CYP39A1: variants seen among roughly 807,000 people sequenced by gnomAD.
The protein encoded by CYP39A1 is 24-hydroxycholesterol 7-alpha-hydroxylase.
CYP39A1 carries 49 observed loss-of-function variants against 58.1 expected under a neutral mutation model. The ratio of observed to expected loss-of-function variants is 0.84; its 90% CI spans 0.67 to 1.07. The LOEUF (loss-of-function observed/expected upper bound fraction) is 1.07. CYP39A1 is among the 50% of genes least tolerant of loss of function. CYP39A1 has a pLI of 0.00. For missense variants in CYP39A1, 531 were observed against 539.4 expected (o/e 0.98, Z 0.16); for synonymous variants, 209 against 187.6 (o/e 1.11, Z -0.93).
chr6:46,575,998 G>A (rs1771825163), intron 10 of CYP39A1, among the ~76,000 whole-genome samples: 1 of 152,198 alleles, frequency 6.6e-6, no homozygotes, highest in Non-Finnish European at 1.5e-5. Flanking sequence ...TGGCTGTTCA[G>A]GAAACATAGT....
At chr6:46,559,253 A>T (rs368966996) in intron 10 of CYP39A1, among the ~76,000 whole-genome samples, 48 of 152,190 alleles carry the variant, frequency 3.2e-4, no homozygotes, top group African/African-American at 1.1e-3. Context: ...TGACCTAGGG[A>T]GGAAGGGTGG....
At chr6:46,598,766 TAAAG>T (rs1389454635) in intron 7 of CYP39A1, among the ~76,000 whole-genome samples, 1 of 152,080 alleles carries the variant, frequency 6.6e-6, no homozygotes, top group South Asian at 2.1e-4. Flanking sequence ...GATGAAAAAT[TAAAG>T]AAAGAATAAG....
At chr6:46,593,226 T>C (rs1461288530) in intron 8 of CYP39A1, among the ~76,000 whole-genome samples, 1 of 152,116 alleles carries the variant, frequency 6.6e-6, no homozygotes, top group Non-Finnish European at 1.5e-5. Context: ...AGATGGGGTA[T>C]TGTGCATGCA....
chr6:46,600,691 G>A (rs367756965), intron 7 of CYP39A1, among the ~76,000 whole-genome samples: 33 of 152,210 alleles, frequency 2.2e-4, no homozygotes, highest in South Asian at 8.3e-4. Context: ...TGCATGTGCC[G>A]GAGGGTAACA....
Position 46,637,863 on chromosome 6 carries a change from C to A in CYP39A1, c.604G>T (p.Glu202Ter). ...CACTCTGGCAACTGGGACCCATACT[C>A]AAAATCTTCATCATAAACTTGAAAA... ...QYFQVYDEDFEYGSQLPECLL... is the reference protein window; with the variant it reads ...QYFQVYDEDF Residue 202 changes from glutamate to a stop codon, truncating the protein, a stop_gained, in exon 4 of 12, where the codon GAG (glutamate) becomes TAG (stop). Coordinates refer to ENST00000275016, the MANE Select transcript of CYP39A1 (RefSeq NM_016593.5). LOFTEE classifies it high-confidence loss of function. 6.2e-7 allele frequency: 1 copy of A among 1,612,328 alleles called. No homozygotes were observed. The highest frequency in any genetic ancestry group is 1.1e-5 in the South Asian group (1 of 90,494).
At chr6:46,626,007 C>T (rs1039861768) in intron 6 of CYP39A1, among the ~76,000 whole-genome samples, 10 of 151,940 alleles carry the variant, frequency 6.6e-5, no homozygotes, top group Non-Finnish European at 1.2e-4. Context: ...GAAACCATCC[C>T]GTAAACTAAA....
At chr6:46,581,056 T>C (rs188735494) in intron 10 of CYP39A1, among the ~76,000 whole-genome samples, 1 of 152,300 alleles carries the variant, frequency 6.6e-6, no homozygotes, top group Non-Finnish European at 1.5e-5. Flanking sequence ...TGCAACACTA[T>C]TCACAATAGC....
intron 5 of CYP39A1, among the ~76,000 whole-genome samples, chr6:46,632,562 G>A (rs1253279362): frequency 6.6e-6 from 1 of 151,586 alleles, no homozygotes; most frequent in Non-Finnish European, 1.5e-5. Context: ...CATCACCCAG[G>A]TACTAAGCCT....
At chr6:46,582,388 A>G (rs932947023) in intron 10 of CYP39A1, among the ~76,000 whole-genome samples, 3 of 152,220 alleles carry the variant, frequency 2.0e-5, no homozygotes, top group African/African-American at 7.2e-5. Flanking sequence ...CATTATCTTT[A>G]ACATAAATAT....
chr6:46,600,972 G>A (rs2150531545), intron 7 of CYP39A1, among the ~76,000 whole-genome samples: 1 of 152,266 alleles, frequency 6.6e-6, no homozygotes, highest in Middle Eastern at 3.4e-3. Context: ...GGCATCTGAA[G>A]TTGGGGAGAG....
chr6:46,571,157 T>C (rs1032043393), intron 10 of CYP39A1, among the ~76,000 whole-genome samples: 1 of 152,160 alleles, frequency 6.6e-6, no homozygotes, highest in Non-Finnish European at 1.5e-5. Flanking sequence ...AAGACTGTCA[T>C]AGCACTAGAC....
At chr6:46,560,464 G>A (rs1022644062) in intron 10 of CYP39A1, among the ~76,000 whole-genome samples, 7 of 152,120 alleles carry the variant, frequency 4.6e-5, no homozygotes, top group Non-Finnish European at 5.9e-5. Flanking sequence ...CAAAGTTTTC[G>A]ACTTGAGGAA....
chr6:46,628,866 G>C (rs1292750261), intron 6 of CYP39A1, among the ~76,000 whole-genome samples: 1 of 152,168 alleles, frequency 6.6e-6, no homozygotes, highest in Non-Finnish European at 1.5e-5. Context: ...TGAAACTAGG[G>C]AGATAATTTT....
intron 5 of CYP39A1, among the ~76,000 whole-genome samples, chr6:46,635,683 T>TA (rs1392712742): frequency 6.6e-6 from 1 of 152,142 alleles, no homozygotes; most frequent in Non-Finnish European, 1.5e-5. Flanking sequence ...GCCTCCTGAG[T>TA]AGCCGGTACC....
intron 7 of CYP39A1, among the ~76,000 whole-genome samples, chr6:46,605,934 T>C (rs1773817070): frequency 6.6e-6 from 1 of 152,184 alleles, no homozygotes; most frequent in African/African-American, 2.4e-5. Flanking sequence ...ACTGCAGCTA[T>C]AGGATGCCGA....
At chr6:46,616,171 CTTTCT>C (rs1774555582) in intron 7 of CYP39A1, among the ~76,000 whole-genome samples, 3 of 30,906 alleles carry the variant, frequency 9.7e-5, no homozygotes, top group Non-Finnish European at 1.8e-4. Flanking sequence ...TTTTTTCTTT[CTTTCT>C]TTCTTTCTTT....
intron 7 of CYP39A1, among the ~76,000 whole-genome samples, chr6:46,620,460 G>C (rs1774885495): frequency 6.6e-6 from 1 of 152,152 alleles, no homozygotes; most frequent in African/African-American, 2.4e-5. Flanking sequence ...GCAACTATCT[G>C]AGTCAGTAGG....
intron 10 of CYP39A1, among the ~76,000 whole-genome samples, chr6:46,565,587 T>C (rs946176383): frequency 1.3e-5 from 2 of 152,014 alleles, no homozygotes; most frequent in Non-Finnish European, 2.9e-5. Context: ...TGTAACAATG[T>C]TGTGAGTTGC....
intron 10 of CYP39A1, among the ~76,000 whole-genome samples, chr6:46,584,908 T>C (rs1245829316): frequency 6.6e-6 from 1 of 152,158 alleles, no homozygotes; most frequent in Non-Finnish European, 1.5e-5. Context: ...TGCAGTTATT[T>C]ATTAATTGAA....
Sources: allele counts gnomAD v4.1 joint callset (sites outside exome capture counted in the v4.1 genomes callset), GRCh38; gene constraint gnomAD v4.1.1; transcripts MANE v1.5; gene names NCBI Gene and HGNC (gene_info 2026-07-23, HGNC 2026-07-21).